The following SORL1 variants were observed in gnomAD, a reference collection of about 807,000 sequenced individuals.
SORL1 encodes the protein sortilin related receptor 1, also known as sortilin-related receptor.
A neutral mutation model predicts 273.7 loss-of-function variants in SORL1; 127 were observed. The ratio of observed to expected loss-of-function variants is 0.46; its 90% CI spans 0.40 to 0.54. The LOEUF (loss-of-function observed/expected upper bound fraction) is 0.54. SORL1 is among the 20% of genes least tolerant of loss of function. SORL1 has a pLI of 0.00. For synonymous variants in SORL1, 1,031 were observed against 1,067.4 expected (o/e 0.97, Z 0.66); for missense variants, 2,494 against 2,846.1 (o/e 0.88, Z 2.81).
In SORL1 at chr11:121,589,316, G is replaced by C. The variant is rs1468122975; in HGVS notation, c.4004G>C (p.Gly1335Ala). The C allele has an allele frequency of 6.2e-7, 1 of 1,613,906 alleles. No homozygotes were observed. Among genetic ancestry groups the C allele is most frequent in the Non-Finnish European group, 8.5e-7 (1 of 1,179,762 alleles). The change falls in exon 29 of 48, where the codon GGA (glycine) becomes GCA (alanine). Residue 1335 changes from glycine to alanine, a missense_variant. Coordinates refer to ENST00000260197, the MANE Select transcript of SORL1 (RefSeq NM_003105.6). ...GAGTTCGGTTTCCAGTGTCAGAATG[G>C]AGTGTGCATCAGTTTGATTTGGAAG... is the stretch of plus-strand genomic sequence containing the variant. ...CDEFGFQCQN[G>A]VCISLIWKCD...
At chr11:121,538,361 A>G (rs773675411) in intron 12 of SORL1, among the ~76,000 whole-genome samples, 1 of 152,130 alleles carries the variant, frequency 6.6e-6, no homozygotes. Flanking sequence ...CCCTGCCCCA[A>G]TTACAGGCAA....
In SORL1 at chr11:121,555,298, G is replaced by T; in HGVS notation, c.2551G>T (p.Ala851Ser). ...CAGCCAGCTGCTTTACTGGGTAGAT[G>T]CAGGCTTCAAAAAGATTGAGGTATG... Reference protein sequence around the residue: ...PLSQLLYWVDAGFKKIEVANP... With the variant: ...PLSQLLYWVDSGFKKIEVANP... The change falls in exon 18 of 48, where the codon GCA becomes TCA. Residue 851 changes from alanine (A) to serine (S), a missense_variant. Physicochemically the swap from Ala to Ser is moderately conservative, Grantham distance 99. Around this residue, in one of 3 missense-constraint regions of SORL1, gnomAD observed 1,609 missense variants for 1,816.4 expected, o/e 0.89. Transcript: ENST00000260197. The T allele has an allele frequency of 6.2e-7, 1 of 1,613,862 alleles. No individual in the cohort carries two copies. The highest frequency in any genetic ancestry group is 8.5e-7 in the Non-Finnish European group (1 of 1,179,802).
intron 12 of SORL1, among the ~76,000 whole-genome samples, chr11:121,533,745 T>C (rs941985816): frequency 6.6e-6 from 1 of 152,162 alleles, no homozygotes; most frequent in Non-Finnish European, 1.5e-5. Flanking sequence ...TTTTTTTCCC[T>C]GTGGTTAATT....
At chr11:121,455,238 C>T (rs537539089) in intron 1 of SORL1, among the ~76,000 whole-genome samples, 1 of 152,252 alleles carries the variant, frequency 6.6e-6, no homozygotes, top group Non-Finnish European at 1.5e-5. Flanking sequence ...AAGAAACCAG[C>T]CACAACTCTA....
chr11:121,602,875 G>A (rs931247701), intron 32 of SORL1, among the ~76,000 whole-genome samples: 8 of 152,196 alleles, frequency 5.3e-5, no homozygotes, highest in African/African-American at 9.7e-5. Flanking sequence ...GGCAGAGGCC[G>A]TTAACCTACA....
chr11:121,522,479 T>TC (rs1761269396), intron 9 of SORL1, 107 bp from the exon 10 acceptor site: 1 of 822,202 alleles, frequency 1.2e-6, no homozygotes, highest in Admixed American at 1.8e-5. Context: ...GGGCCAGGCC[T>TC]CCTTGCCCCG....
rs998017328 is a variant in SORL1, at chr11:121,604,457, G to T, written c.4651+133G>T. The T allele has an allele frequency of 6.5e-6, 8 of 1,237,906 alleles. No individual in the cohort carries two copies. In the African/African-American group the frequency reaches 1.2e-4, roughly 19 times the overall value. The allele number at this position is 1,237,906 out of a possible 1,614,324, so 76.7% of individuals were successfully genotyped here. The stretch of plus-strand genomic sequence containing the variant: ...CTCAATCTAAGGATAAAACAGATTT[G>T]TGCCTAGTTTTGGAGCCCCAAGTGA... On this transcript the variant is annotated intron_variant, in intron 33 of 47. Coordinates refer to ENST00000260197, the MANE Select transcript of SORL1 (RefSeq NM_003105.6).
chr11:121,596,925 G>T lies in SORL1; in HGVS notation c.4519+1153G>T, dbSNP rs1863304302. Among the ~76,000 whole-genome samples the T allele has an allele frequency of 6.6e-6, 1 of 152,082 alleles. No homozygotes were observed. Among genetic ancestry groups the T allele is most frequent in the Non-Finnish European group, 1.5e-5 (1 of 68,020 alleles). On this transcript the variant is annotated intron_variant, in intron 32 of 47. Transcript: ENST00000260197. This position sits in a 1 kb window ranked among gnomAD's most constrained non-coding sequence, Gnocchi z 4.3. The stretch of plus-strand genomic sequence containing the variant: ...AGTCTTACCATTTAGAGATGGAATA[G>T]AATCTGAGGTGGAGGTTAGTCATCT...
At chr11:121,465,505 G>A (rs1469994851) in intron 1 of SORL1, among the ~76,000 whole-genome samples, 1 of 151,700 alleles carries the variant, frequency 6.6e-6, no homozygotes, top group Non-Finnish European at 1.5e-5. Flanking sequence ...AGCTGCATTA[G>A]AAATACCTGG....
At chr11:121,468,899 A>G (rs1246157121) in intron 1 of SORL1, among the ~76,000 whole-genome samples, 1 of 152,248 alleles carries the variant, frequency 6.6e-6, no homozygotes, top group Non-Finnish European at 1.5e-5. Context: ...TTATTCTGAG[A>G]TGATATGCTT....
In SORL1 at chr11:121,550,056, C is replaced by T; in HGVS notation, c.2148C>T (p.Cys716=). 6.2e-7 allele frequency: 1 copy of T among 1,613,684 alleles called. No homozygotes were observed. The highest frequency in any genetic ancestry group is 8.5e-7 in the Non-Finnish European group (1 of 1,179,708). Residue 716 remains cysteine (C), a synonymous_variant, in exon 15 of 48, where the codon TGC becomes TGT. Transcript: ENST00000260197. This position sits in a 1 kb window ranked among gnomAD's most constrained non-coding sequence, Gnocchi z 5.3. ...SGKSYSPPVP[C]PVGSTYRRTR... is the part of the protein sequence containing the mutation. The stretch of plus-strand genomic sequence containing the variant: ...AGTCATACTCCCCTCCTGTGCCTTG[C>T]CCTGTGGGTTCTACTTACAGGAGAA...
At position 121,557,309 on chromosome 11, in the gene SORL1, G is replaced by A. The variant is rs117106664; in HGVS notation, c.2572-5G>A. ...CTCAGCCTCTTTTCCCCCTGTTTTT[G>A]TCAGGTAGCTAATCCAGATGGCGAC... is the stretch of plus-strand genomic sequence containing the variant. On this transcript the variant is annotated splice_polypyrimidine_tract_variant and splice_region_variant and intron_variant, in intron 18 of 47. Transcript: ENST00000260197. 3.7e-4 allele frequency: 599 copies of A among 1,611,214 alleles called. 8 individuals are homozygous for A. The East Asian group carries it at 0.013, about 36-fold the overall frequency.
chr11:121,525,945 A>G (rs993145119), intron 11 of SORL1, among the ~76,000 whole-genome samples: 1 of 152,168 alleles, frequency 6.6e-6, no homozygotes, highest in Non-Finnish European at 1.5e-5. Flanking sequence ...AGAAGGTCAC[A>G]TGAGCCCTGG....
At chr11:121,557,495 T>C (rs557310112) in intron 19 of SORL1, 90 bp downstream of exon 19, 1 of 988,168 alleles carries the variant, frequency 1.0e-6, no homozygotes, top group South Asian at 1.3e-5. Context: ...ACAAAAACTC[T>C]GTTTCTCATG....
At chr11:121,494,422 C>T (rs889939837) in intron 5 of SORL1, among the ~76,000 whole-genome samples, 4 of 152,048 alleles carry the variant, frequency 2.6e-5, no homozygotes, top group African/African-American at 7.2e-5. Flanking sequence ...TTACATGGTC[C>T]GGAGCTTGAG....
In SORL1 at chr11:121,595,826, GT is replaced by G; in HGVS notation, c.4519+56del. On this transcript the variant is annotated intron_variant, in intron 32 of 47. Transcript: ENST00000260197. This position sits in a 1 kb window ranked among gnomAD's most constrained non-coding sequence, Gnocchi z 5.1. ...TGGGCACGTTTCTGCAGAGAGCACA[GT>G]TCTGGTGCTTCTGCTTCATTTCTGG... The G allele has an allele frequency of 3.2e-6, 5 of 1,566,618 alleles. No individual in the cohort carries two copies. Among genetic ancestry groups the G allele is most frequent in the Non-Finnish European group, 4.3e-6 (5 of 1,153,996 alleles).
chr11:121,531,633 T>C (rs1862203657), intron 11 of SORL1, among the ~76,000 whole-genome samples: 1 of 152,258 alleles, frequency 6.6e-6, no homozygotes, highest in Non-Finnish European at 1.5e-5. Flanking sequence ...GACCCTGAGT[T>C]CTGTCTTGCT....
At chr11:121,494,823 C>T (rs1242329876) in intron 5 of SORL1, among the ~76,000 whole-genome samples, 2 of 152,124 alleles carry the variant, frequency 1.3e-5, no homozygotes, top group East Asian at 3.8e-4. Flanking sequence ...AGGTTCCTTC[C>T]TCTCTGCCGT....
At chr11:121,548,293 G>C (rs1022572647) in intron 14 of SORL1, among the ~76,000 whole-genome samples, 1 of 152,180 alleles carries the variant, frequency 6.6e-6, no homozygotes, top group African/African-American at 2.4e-5. Context: ...GTCAAAGAAA[G>C]CTGCCCAGGA....
Sources: gnomAD v4.1 joint callset for allele counts (sites outside exome capture counted in the v4.1 genomes callset) on GRCh38, gnomAD v4.1.1 for gene constraint, gnomAD v4.1.1 regional missense constraint, Gnocchi (gnomAD v3.1) non-coding constraint, MANE v1.5 for transcripts, NCBI Gene and HGNC (gene_info 2026-07-23, HGNC 2026-07-21) for gene names.